The following LRMDA variants were observed in gnomAD, a reference collection of about 807,000 sequenced individuals.
LRMDA encodes leucine-rich melanocyte differentiation-associated protein.
A neutral mutation model predicts 29.8 loss-of-function variants in LRMDA; 18 were observed. That is an observed-to-expected ratio of 0.60 (90% CI 0.42 to 0.90). The LOEUF (loss-of-function observed/expected upper bound fraction) is 0.90, where lower values mean the gene tolerates loss of function less well. LRMDA is among the 40% of genes least tolerant of loss of function. The pLI, the probability that LRMDA is intolerant of heterozygous loss-of-function variation, is 0.00. For synonymous variants in LRMDA, 125 were observed against 109.4 expected (o/e 1.14, Z -0.89); for missense variants, 273 against 273.9 (o/e 1.00, Z 0.02).
intron 6 of LRMDA, among the ~76,000 whole-genome samples, chr10:76,410,214 A>G (rs947850584): frequency 6.6e-6 from 1 of 150,648 alleles, no homozygotes; most frequent in African/African-American, 2.4e-5. Context: ...GCGGAGGTGC[A>G]TGGGGTAAGA....
intron 2 of LRMDA, chr10:75,882,527 A>G (rs569540257): frequency 6.6e-6 from 1 of 152,254 alleles, no homozygotes; most frequent in East Asian, 1.9e-4. Context: ...TGTGACATGC[A>G]TGAAAAGATA....
At chr10:76,019,459 C>T (rs932490699) in intron 2 of LRMDA, among the ~76,000 whole-genome samples, 1 of 152,020 alleles carries the variant, frequency 6.6e-6, no homozygotes, top group Admixed American at 6.6e-5. Context: ...ATTTTTGGTA[C>T]TTCACATGTC....
chr10:76,490,423 CTTT>C (rs1447722869), intron 6 of LRMDA, among the ~76,000 whole-genome samples: 5 of 151,826 alleles, frequency 3.3e-5, no homozygotes, highest in African/African-American at 1.2e-4. Flanking sequence ...CTCTCTCTCT[CTTT>C]AGCTCTAATA....
chr10:76,360,072 G>A (rs967051171), intron 6 of LRMDA, among the ~76,000 whole-genome samples: 3 of 151,708 alleles, frequency 2.0e-5, no homozygotes, highest in Admixed American at 6.6e-5. Context: ...TTGGCTCATC[G>A]CAACCTCCCG....
intron 5 of LRMDA, among the ~76,000 whole-genome samples, chr10:76,281,747 T>C (rs2132334928): frequency 6.6e-6 from 1 of 152,324 alleles, no homozygotes; most frequent in South Asian, 2.1e-4. Context: ...ATCCTCCCAA[T>C]GCTGCCTCCA....
At chr10:76,102,024 A>G (rs1379203402) in intron 5 of LRMDA, among the ~76,000 whole-genome samples, 2 of 152,298 alleles carry the variant, frequency 1.3e-5, no homozygotes, top group African/African-American at 2.4e-5. Context: ...GAGTCTTACA[A>G]TATGTGACTT....
intron 2 of LRMDA, among the ~76,000 whole-genome samples, chr10:75,975,323 G>A (rs1229368941): frequency 6.6e-6 from 1 of 152,160 alleles, no homozygotes; most frequent in Non-Finnish European, 1.5e-5. Flanking sequence ...TTTTCTGAAG[G>A]ATGGAAACAA....
At chr10:75,449,529 C>CTTT (rs5786173) in intron 2 of LRMDA, among the ~76,000 whole-genome samples, 11 of 146,020 alleles carry the variant, frequency 7.5e-5, no homozygotes, top group Non-Finnish European at 4.5e-5. Context: ...AAGTTTCCTT[C>CTTT]TTTTTTTTTT....
At chr10:76,098,949 G>C (rs550089713) in intron 5 of LRMDA, among the ~76,000 whole-genome samples, 2 of 152,322 alleles carry the variant, frequency 1.3e-5, no homozygotes, top group Admixed American at 6.5e-5. Context: ...AGGGCTACCA[G>C]ATGAGCCAGT....
At chr10:76,276,053 C>CTATCTT (rs150054728) in intron 5 of LRMDA, among the ~76,000 whole-genome samples, 53 of 140,026 alleles carry the variant, frequency 3.8e-4, no homozygotes, top group African/African-American at 1.4e-3. Flanking sequence ...ATCTATCTAT[C>CTATCTT]TCTTTCTTTC....
At chr10:75,596,003 T>C (rs1840782700) in intron 2 of LRMDA, among the ~76,000 whole-genome samples, 1 of 152,234 alleles carries the variant, frequency 6.6e-6, no homozygotes, top group Non-Finnish European at 1.5e-5. Context: ...GATCTGCTTT[T>C]TTTCGCTATA....
chr10:75,549,582 A>G (rs984590540), intron 2 of LRMDA, among the ~76,000 whole-genome samples: 1 of 152,176 alleles, frequency 6.6e-6, no homozygotes, highest in African/African-American at 2.4e-5. Context: ...CAGCCTCCTG[A>G]GTAGTTGAGA....
rs1848452931 is a variant in LRMDA at position 76,047,178 on chromosome 10, G to A, written c.273G>A (p.Glu91=). 4 of 1,614,016 alleles carry A rather than the reference G, an allele frequency of 2.5e-6. No individual in the cohort carries two copies. Among genetic ancestry groups the A allele is most frequent in the Non-Finnish European group, 3.4e-6 (4 of 1,179,966 alleles). ...ACCTTTGTCACATCACTGATTTGGA[G>A]AACCTGCTGGATCACTTGGCAGAAG... ...TLNKNRITDL[E]NLLDHLAEVT... Residue 91 remains glutamate, a synonymous_variant, in exon 4 of 7, where the codon GAG becomes GAA. Transcript: ENST00000611255.
intron 5 of LRMDA, among the ~76,000 whole-genome samples, chr10:76,086,414 AT>A (rs1849136341): frequency 3.8e-3 from 1 of 266 alleles, no homozygotes; most frequent in African/African-American, 0.018. Flanking sequence ...TTCACTGTTT[AT>A]TTCTTCAAAC....
At chr10:75,712,503 A>G (rs1227857072) in intron 2 of LRMDA, among the ~76,000 whole-genome samples, 1 of 152,028 alleles carries the variant, frequency 6.6e-6, no homozygotes, top group East Asian at 1.9e-4. Context: ...TGATTGTGAG[A>G]GCCGGGATGA....
chr10:75,903,667 G>A (rs534517156), intron 2 of LRMDA, among the ~76,000 whole-genome samples: 2 of 152,334 alleles, frequency 1.3e-5, no homozygotes, highest in South Asian at 4.1e-4. Context: ...TATGGACTCA[G>A]TGCGATCACT....
At chr10:75,832,905 T>A (rs1388427282) in intron 2 of LRMDA, among the ~76,000 whole-genome samples, 1 of 152,176 alleles carries the variant, frequency 6.6e-6, no homozygotes, top group Non-Finnish European at 1.5e-5. Context: ...TGTCTCCCAC[T>A]GGGCCCCTCC....
chr10:76,460,729 C>A (rs1842503466), intron 6 of LRMDA, among the ~76,000 whole-genome samples: 1 of 152,160 alleles, frequency 6.6e-6, no homozygotes, highest in Non-Finnish European at 1.5e-5. Flanking sequence ...ATTGCAGATA[C>A]CACCAGCACT....
chr10:76,293,195 G>C (rs1479380050), intron 5 of LRMDA, among the ~76,000 whole-genome samples: 1 of 152,160 alleles, frequency 6.6e-6, no homozygotes, highest in African/African-American at 2.4e-5. Flanking sequence ...TGGCCAAGCT[G>C]TTTTTAAACT....
Sources: gnomAD v4.1 joint callset for allele counts (sites outside exome capture counted in the v4.1 genomes callset) on GRCh38, gnomAD v4.1.1 for gene constraint, MANE v1.5 for transcripts, NCBI Gene and HGNC (gene_info 2026-07-23, HGNC 2026-07-21) for gene names.